Variants in ARB2A observed in about 807,000 individuals in gnomAD.
ARB2A encodes ARB2 cotranscriptional regulator A.
the ARB2A span, among the ~76,000 whole-genome samples, chr5:93,696,786 A>G: frequency 0.29 from 43,461 of 151,942 alleles, 8,101 homozygotes; most frequent in African/African-American, 0.52. Flanking sequence ...AAGTGGCTGG[A>G]TGCAGTGGCT....
chr5:93,898,066 T>C, the ARB2A span, among the ~76,000 whole-genome samples: 1 of 151,996 alleles, frequency 6.6e-6, no homozygotes, highest in African/African-American at 2.4e-5. Context: ...TTGGAATCTA[T>C]GTCCTCCAAA....
the ARB2A span, among the ~76,000 whole-genome samples, chr5:93,853,586 C>G: frequency 6.6e-6 from 1 of 152,132 alleles, no homozygotes; most frequent in East Asian, 1.9e-4. Flanking sequence ...ATGATATTGG[C>G]TGTGGGTTTG....
At chr5:93,772,213 A>AT in the ARB2A span, among the ~76,000 whole-genome samples, 1 of 152,248 alleles carries the variant, frequency 6.6e-6, no homozygotes, top group African/African-American at 2.4e-5. Flanking sequence ...AGAACAAAAA[A>AT]CCAAACACTG....
chr5:94,039,800 C>T, the ARB2A span, among the ~76,000 whole-genome samples: 1 of 152,244 alleles, frequency 6.6e-6, no homozygotes, highest in Admixed American at 6.5e-5. Context: ...CAAAGGCTAA[C>T]TTTGGGTAAG....
the ARB2A span, among the ~76,000 whole-genome samples, chr5:93,820,943 G>A: frequency 1.3e-5 from 2 of 151,828 alleles, no homozygotes; most frequent in African/African-American, 4.9e-5. Flanking sequence ...ATAGTAAAAT[G>A]TATACTGTTT....
chr5:93,936,427 A>G, the ARB2A span, among the ~76,000 whole-genome samples: 1 of 152,162 alleles, frequency 6.6e-6, no homozygotes, highest in South Asian at 2.1e-4. Context: ...AAGTAAAGGG[A>G]GGAGCAATGC....
the ARB2A span, among the ~76,000 whole-genome samples, chr5:93,693,973 C>G: frequency 6.6e-6 from 1 of 151,972 alleles, no homozygotes; most frequent in African/African-American, 2.4e-5. Context: ...GCAGAAAAGG[C>G]CTTCGACAAA....
chr5:93,916,778 A>G, the ARB2A span, among the ~76,000 whole-genome samples: 1 of 151,984 alleles, frequency 6.6e-6, no homozygotes, highest in Non-Finnish European at 1.5e-5. Flanking sequence ...TGAACTCTCT[A>G]CTCTGAGCAG....
the ARB2A span, among the ~76,000 whole-genome samples, chr5:94,023,471 T>A: frequency 6.6e-6 from 1 of 152,262 alleles, no homozygotes. Context: ...AAGAGAACAA[T>A]ATTGTGTATT....
the ARB2A span, among the ~76,000 whole-genome samples, chr5:94,103,031 A>G: frequency 6.6e-6 from 1 of 152,138 alleles, no homozygotes; most frequent in Non-Finnish European, 1.5e-5. Flanking sequence ...CTAAATATGA[A>G]ATTGAAAGGC....
chr5:93,916,232 A>G, the ARB2A span, among the ~76,000 whole-genome samples: 1 of 152,178 alleles, frequency 6.6e-6, no homozygotes, highest in Non-Finnish European at 1.5e-5. Context: ...ATAAGCATGA[A>G]AAACAGACAG....
the ARB2A span, among the ~76,000 whole-genome samples, chr5:93,919,077 A>G: frequency 2.0e-5 from 3 of 152,198 alleles, no homozygotes; most frequent in Non-Finnish European, 2.9e-5. Flanking sequence ...TTTTTCAAAG[A>G]TTCCACAGGT....
chr5:94,039,498 G>A, the ARB2A span, among the ~76,000 whole-genome samples: 12 of 152,048 alleles, frequency 7.9e-5, no homozygotes, highest in Non-Finnish European at 1.6e-4. Flanking sequence ...TACCCTATAT[G>A]GTCTAAAAAG....
At chr5:94,098,987 T>C in the ARB2A span, among the ~76,000 whole-genome samples, 3 of 152,028 alleles carry the variant, frequency 2.0e-5, no homozygotes, top group African/African-American at 7.3e-5. Context: ...CACTAATAAA[T>C]AGCCTACCAA....
the ARB2A span, among the ~76,000 whole-genome samples, chr5:93,760,159 A>G: frequency 5.9e-5 from 9 of 152,186 alleles, no homozygotes; most frequent in African/African-American, 2.2e-4. Context: ...GCTGCAAAAA[A>G]CAAAACAAAA....
At chr5:93,788,204 AG>A in the ARB2A span, among the ~76,000 whole-genome samples, 3,294 of 152,162 alleles carry the variant, frequency 0.022, 52 homozygotes, top group Non-Finnish European at 0.033. Context: ...GCTGAAATTG[AG>A]GGGGGGAAAT....
the ARB2A span, among the ~76,000 whole-genome samples, chr5:93,792,602 C>T: frequency 6.7e-6 from 1 of 149,256 alleles, no homozygotes; most frequent in African/African-American, 2.5e-5. Flanking sequence ...AACACCAAAA[C>T]CAAAAAACCA....
At chr5:94,070,937 T>C in the ARB2A span, among the ~76,000 whole-genome samples, 1 of 152,088 alleles carries the variant, frequency 6.6e-6, no homozygotes, top group Non-Finnish European at 1.5e-5. Context: ...TCATACATTA[T>C]TGGTAGTAGT....
At chr5:93,836,502 A>T in the ARB2A span, among the ~76,000 whole-genome samples, 3 of 152,264 alleles carry the variant, frequency 2.0e-5, no homozygotes, top group Non-Finnish European at 4.4e-5. Flanking sequence ...TTAACTGAGT[A>T]TAAATTGTGC....
Sources: allele counts gnomAD v4.1 joint callset (sites outside exome capture counted in the v4.1 genomes callset), GRCh38; gene constraint gnomAD v4.1.1; transcripts MANE v1.5; gene names NCBI Gene and HGNC (gene_info 2026-07-23, HGNC 2026-07-21).